Variants in MGAT4C observed in about 807,000 individuals in gnomAD.
MGAT4C encodes the protein alpha-1,3-mannosyl-glycoprotein 4-beta-N-acetylglucosaminyltransferase C.
Under a neutral mutation model 40.1 loss-of-function variants are expected in MGAT4C, and 19 were observed. The observed-to-expected ratio is 0.47, with a 90% CI of 0.33 to 0.70. MGAT4C has a LOEUF of 0.70. MGAT4C is among the 30% of genes least tolerant of loss of function. The pLI, the probability that MGAT4C is intolerant of heterozygous loss-of-function variation, is 0.02. For missense variants in MGAT4C, 491 were observed against 563.2 expected (o/e 0.87, Z 1.30); for synonymous variants, 181 against 187.1 (o/e 0.97, Z 0.27).
intron 4 of MGAT4C, among the ~76,000 whole-genome samples, chr12:86,287,011 C>T (rs1025383778): frequency 5.3e-5 from 8 of 152,100 alleles, no homozygotes; most frequent in Non-Finnish European, 1.0e-4. Context: ...AAGGGTGATT[C>T]CATATCTTTG....
rs774941892 is a variant in MGAT4C, at chr12:86,010,698, A to C, written c.-6-21146T>G. Among the ~76,000 whole-genome samples, 9 of 151,960 alleles carry C rather than the reference A, an allele frequency of 5.9e-5. No individual in the cohort carries two copies. In the South Asian group the frequency reaches 6.2e-4, roughly 11 times the overall value. ...GTCTCTAACAAACAAACAAACCAAC[A>C]AACAAACAAACACACAAAACCCATG... On this transcript the variant is annotated intron_variant, in intron 2 of 4. Coordinates refer to ENST00000611864, the MANE Select transcript of MGAT4C (RefSeq NM_001351288.2).
At chr12:86,442,771 C>CA (rs34962466) in intron 2 of MGAT4C, among the ~76,000 whole-genome samples, 101,708 of 137,762 alleles carry the variant, frequency 0.74, 37,664 homozygotes, top group South Asian at 0.82. Context: ...AACTCTGTCT[C>CA]AAAAAAAAAA....
At chr12:86,250,816 C>G (rs143142582) in intron 1 of MGAT4C, among the ~76,000 whole-genome samples, 1 of 151,896 alleles carries the variant, frequency 6.6e-6, no homozygotes, top group Non-Finnish European at 1.5e-5. Context: ...ATGATTAACC[C>G]GTGTTTACCA....
Position 86,161,153 on chromosome 12 carries a change from A to C in MGAT4C, c.-57+95086T>G, listed in dbSNP as rs1047736350. ...CATAATTATTCACGGAATTAGAAAAAATGATTCCAAAATTCACATGTCACC... is the reference window on the plus strand; with the variant it reads ...CATAATTATTCACGGAATTAGAAAACATGATTCCAAAATTCACATGTCACC... On this transcript the variant is annotated intron_variant, in intron 1 of 4. Transcript: ENST00000611864. 1.3e-5 allele frequency among the ~76,000 whole-genome samples: 2 copies of C among 152,114 alleles called. 1 individual carries two copies. The highest frequency in any genetic ancestry group is 4.1e-4 in the South Asian group (2 of 4,834).
chr12:86,166,327 GA>G (rs1203779747), intron 1 of MGAT4C, among the ~76,000 whole-genome samples: 3 of 152,192 alleles, frequency 2.0e-5, no homozygotes, highest in Admixed American at 2.0e-4. Context: ...TTCTGAAAGG[GA>G]AAAACAAACA....
chr12:86,339,631 T>C lies in MGAT4C; in HGVS notation c.-119-5504A>G, dbSNP rs80207508. Reference sequence around the variant, plus strand: ...TGAGATCAGCAACATTCTGAGAAACTTCCATACACTTACATTATTTATATG... The same window carrying C: ...TGAGATCAGCAACATTCTGAGAAACCTCCATACACTTACATTATTTATATG... On this transcript the variant is annotated intron_variant, in intron 3 of 7. Transcript: ENST00000548651. 6.0e-3 allele frequency among the ~76,000 whole-genome samples: 916 copies of C among 152,288 alleles called. 6 individuals carry two copies. Among genetic ancestry groups the C allele is most frequent in the African/African-American group, 0.021 (882 of 41,560 alleles).
chr12:86,734,337 A>G (rs1185421452), intron 1 of MGAT4C, among the ~76,000 whole-genome samples: 1 of 152,022 alleles, frequency 6.6e-6, no homozygotes, highest in Non-Finnish European at 1.5e-5. Flanking sequence ...GATGTTGAAG[A>G]CTCAGGAACA....
rs182782448 is a variant in MGAT4C at position 86,508,136 on chromosome 12, C to A, written c.-228-72871G>T. 6.9e-3 allele frequency among the ~76,000 whole-genome samples: 1,047 copies of A among 152,068 alleles called. 7 individuals carry two copies. The highest frequency in any genetic ancestry group is 0.01 in the Non-Finnish European group (702 of 67,988). ...GGTTAGTTACATATGTATACATGTGCCATGCTGGTGCGCTGCACCCACTAA... is the reference window on the plus strand; with the variant it reads ...GGTTAGTTACATATGTATACATGTGACATGCTGGTGCGCTGCACCCACTAA... On this transcript the variant is annotated intron_variant, in intron 2 of 7. Coordinates refer to the MGAT4C transcript ENST00000548651.
intron 2 of MGAT4C, among the ~76,000 whole-genome samples, chr12:86,010,290 TAAAC>T (rs946919612): frequency 2.6e-5 from 4 of 152,146 alleles, no homozygotes; most frequent in African/African-American, 9.7e-5. Flanking sequence ...GGTAACTACT[TAAAC>T]AAAACTGCAA....
chr12:86,017,175 A>G (rs1437150725), intron 2 of MGAT4C, among the ~76,000 whole-genome samples: 1 of 152,158 alleles, frequency 6.6e-6, no homozygotes, highest in Non-Finnish European at 1.5e-5. Flanking sequence ...GGAGTGTTTA[A>G]AAAGATTGCA....
chr12:86,162,038 ACT>A (rs1885648936), intron 1 of MGAT4C, among the ~76,000 whole-genome samples: 1 of 152,162 alleles, frequency 6.6e-6, no homozygotes, highest in African/African-American at 2.4e-5. Flanking sequence ...ATACTTACAC[ACT>A]GTTTATAGTA....
At chr12:86,291,412 C>A (rs75213673) in intron 4 of MGAT4C, among the ~76,000 whole-genome samples, 98 of 152,250 alleles carry the variant, frequency 6.4e-4, no homozygotes, top group South Asian at 1.7e-3. Flanking sequence ...GAAGAAATAG[C>A]ATTCACTAAA....
At chr12:86,309,340 T>G (rs1284531153) in intron 4 of MGAT4C, among the ~76,000 whole-genome samples, 1 of 152,210 alleles carries the variant, frequency 6.6e-6, no homozygotes, top group East Asian at 1.9e-4. Context: ...TATGAAAGAA[T>G]ACCATAGACT....
chr12:86,563,714 G>C (rs1959968693), intron 2 of MGAT4C, among the ~76,000 whole-genome samples: 1 of 152,178 alleles, frequency 6.6e-6, no homozygotes, highest in Admixed American at 6.5e-5. Context: ...GGAACTACTG[G>C]ACACTGGCTC....
chr12:86,235,108 T>C (rs911496425), intron 1 of MGAT4C, among the ~76,000 whole-genome samples: 2 of 152,082 alleles, frequency 1.3e-5, no homozygotes, highest in African/African-American at 2.4e-5. Flanking sequence ...TCATACATCT[T>C]CATAGGTTTA....
At chr12:86,827,272 C>A (rs1445049664) in intron 1 of MGAT4C, among the ~76,000 whole-genome samples, 3 of 151,370 alleles carry the variant, frequency 2.0e-5, no homozygotes, top group African/African-American at 7.3e-5. Flanking sequence ...AATTAGAATG[C>A]AAAATCCTTT....
intron 1 of MGAT4C, among the ~76,000 whole-genome samples, chr12:86,785,300 T>C (rs774241155): frequency 8.5e-5 from 13 of 152,068 alleles, no homozygotes; most frequent in Non-Finnish European, 1.6e-4. Context: ...TTCTTTATTT[T>C]TGTGTATTTT....
intron 4 of MGAT4C, among the ~76,000 whole-genome samples, chr12:86,331,657 T>C (rs968019658): frequency 6.6e-6 from 1 of 152,172 alleles, no homozygotes; most frequent in African/African-American, 2.4e-5. Context: ...AACTGCCTGA[T>C]CATAACCTGA....
chr12:86,430,685 G>C (rs1957019455), intron 3 of MGAT4C, among the ~76,000 whole-genome samples: 1 of 152,184 alleles, frequency 6.6e-6, no homozygotes, highest in Admixed American at 6.5e-5. Flanking sequence ...GTTGGGCAGG[G>C]CTGGAGGCTG....
Sources: gnomAD v4.1 joint callset for allele counts (sites outside exome capture counted in the v4.1 genomes callset) on GRCh38, gnomAD v4.1.1 for gene constraint, MANE v1.5 for transcripts, NCBI Gene and HGNC (gene_info 2026-07-23, HGNC 2026-07-21) for gene names.